The following UTP18 variants were observed in gnomAD, a reference collection of about 807,000 sequenced individuals.
The protein encoded by UTP18 is UTP18 small subunit processome component.
In UTP18, 36 loss-of-function variants were observed where a neutral mutation model predicts 61.1. That is an observed-to-expected ratio of 0.59 (90% CI 0.45 to 0.78). The LOEUF is 0.78. UTP18 is among the 30% of genes least tolerant of loss of function. The pLI is 0.00. For missense variants in UTP18, 753 were observed against 693.9 expected (o/e 1.09, Z -0.96); for synonymous variants, 282 against 251.1 (o/e 1.12, Z -1.16).
intron 10 of UTP18, among the ~76,000 whole-genome samples, chr17:51,286,978 T>TCCCCCCCCCCC (rs11397806): frequency 8.1e-6 from 1 of 123,466 alleles, no homozygotes; most frequent in Non-Finnish European, 1.6e-5. Flanking sequence ...CCCTCCCCCT[T>TCCCCCCCCCCC]CCCCCCCCGA....
chr17:51,283,837 A>G (rs1015318439), intron 9 of UTP18, among the ~76,000 whole-genome samples: 3 of 151,562 alleles, frequency 2.0e-5, no homozygotes, highest in African/African-American at 7.3e-5. Context: ...TTGGTCTCGA[A>G]CTCCTGGCCT....
Position 51,282,858 on chromosome 17 carries a change from CTTCTTCTTCTT to C in UTP18, c.1204+2382_1205-2374del, listed in dbSNP as rs1238504013. 3.0e-5 allele frequency among the ~76,000 whole-genome samples: 3 copies of C among 100,264 alleles called. No homozygotes were observed. The East Asian group carries it at 7.7e-4, about 26-fold the overall frequency. 65.8% of individuals were successfully genotyped at this position (100,264 alleles called of 152,430 possible). On this transcript the variant is annotated intron_variant, in intron 9 of 13. Coordinates refer to ENST00000225298, the MANE Select transcript of UTP18 (RefSeq NM_016001.3). Reference sequence around the variant, plus strand: ...TCCGCTTCTTCCTCCTTTTCTTCTTCTTCTTCTTCTTTTTTTTTTTTTTTTTTTGAGACAGA... The same window carrying C: ...TCCGCTTCTTCCTCCTTTTCTTCTTCTTTTTTTTTTTTTTTTTGAGACAGA...
Position 51,285,373 on chromosome 17 carries a change from G to A in UTP18, c.1328+5G>A. ...TGGACAGTATGTTGCTTGTGGGTAA[G>A]TAAAGAGAGGTTCTTGTAACCTTAA... On this transcript the variant is annotated splice_donor_5th_base_variant and intron_variant, in intron 10 of 13. Transcript: ENST00000225298. The A allele has an allele frequency of 1.2e-6, 2 of 1,611,920 alleles. No individual in the cohort carries two copies. Among genetic ancestry groups the A allele is most frequent in the Non-Finnish European group, 1.7e-6 (2 of 1,178,414 alleles).
intron 1 of UTP18, among the ~76,000 whole-genome samples, chr17:51,261,166 C>G (rs893327800): frequency 2.0e-5 from 3 of 152,242 alleles, no homozygotes; most frequent in African/African-American, 4.8e-5. Flanking sequence ...CGCCGCTGCT[C>G]GGGTATCTGC....
chr17:51,266,579 G>A (rs2055563590), intron 3 of UTP18, among the ~76,000 whole-genome samples: 1 of 152,040 alleles, frequency 6.6e-6, no homozygotes, highest in Non-Finnish European at 1.5e-5. Flanking sequence ...AATTTAAATG[G>A]CCACCACCTG....
At chr17:51,267,794 G>T (rs1390047497) in intron 3 of UTP18, among the ~76,000 whole-genome samples, 1 of 151,950 alleles carries the variant, frequency 6.6e-6, no homozygotes, top group East Asian at 1.9e-4. Flanking sequence ...TGGTGATGGG[G>T]TTCATCTTGC....
chr17:51,297,546 C>T (rs926427177), intron 13 of UTP18, among the ~76,000 whole-genome samples: 1 of 152,182 alleles, frequency 6.6e-6, no homozygotes, highest in Non-Finnish European at 1.5e-5. Context: ...GCCTCTTCAT[C>T]ACAGTTGACT....
intron 6 of UTP18, 110 bp downstream of exon 6, chr17:51,276,101 C>G: frequency 9.0e-7 from 1 of 1,108,426 alleles, no homozygotes; most frequent in Non-Finnish European, 1.2e-6. Context: ...ATAGCTAAAA[C>G]ATCATAGCCC....
intron 4 of UTP18, among the ~76,000 whole-genome samples, chr17:51,270,048 G>A (rs1904473042): frequency 6.6e-6 from 1 of 152,086 alleles, no homozygotes; most frequent in African/African-American, 2.4e-5. Flanking sequence ...TAGAATCGGG[G>A]TTTCACCGTG....
intron 7 of UTP18, among the ~76,000 whole-genome samples, chr17:51,279,425 A>G (rs370081332): frequency 6.6e-6 from 1 of 152,184 alleles, no homozygotes; most frequent in African/African-American, 2.4e-5. Flanking sequence ...ATTTGGTTAC[A>G]TGTGTCACAT....
intron 7 of UTP18, among the ~76,000 whole-genome samples, chr17:51,278,909 G>A (rs552672577): frequency 6.6e-6 from 1 of 152,218 alleles, no homozygotes; most frequent in South Asian, 2.1e-4. Flanking sequence ...TAATATTGGG[G>A]AGCATGAGTC....
chr17:51,296,166 T>C (rs1006613090), intron 12 of UTP18: 2 of 152,176 alleles, frequency 1.3e-5, no homozygotes, highest in South Asian at 2.1e-4. Flanking sequence ...CTAGAAGATA[T>C]AGGTGACAAG....
At chr17:51,271,781 C>T (rs370860955) in intron 4 of UTP18, among the ~76,000 whole-genome samples, 1 of 152,060 alleles carries the variant, frequency 6.6e-6, no homozygotes, top group East Asian at 1.9e-4. Context: ...GATTCTCCTG[C>T]CTCAGCCACC....
At chr17:51,295,113 G>A (rs535526657) in intron 12 of UTP18, among the ~76,000 whole-genome samples, 12 of 152,264 alleles carry the variant, frequency 7.9e-5, no homozygotes, top group Middle Eastern at 3.4e-3. Flanking sequence ...TTTGTCAGAT[G>A]AGTAGGTTGC....
rs554093076 is a variant in UTP18 at position 51,281,160 on chromosome 17, A to T, written c.1204+681A>T. ...TCTCAAAATATATATATATATATAT[A>T]TATATTTTTTTTAAACGAAAAGTTG... is the stretch of plus-strand genomic sequence containing the variant. On this transcript the variant is annotated intron_variant, in intron 9 of 13. Coordinates refer to ENST00000225298, the MANE Select transcript of UTP18 (RefSeq NM_016001.3). 9.0e-3 allele frequency among the ~76,000 whole-genome samples: 826 copies of T among 91,724 alleles called. 4 individuals are homozygous for T. The highest frequency in any genetic ancestry group is 0.011 in the Non-Finnish European group (481 of 45,268). 60.2% of individuals were successfully genotyped at this position (91,724 alleles called of 152,430 possible). A position where few individuals can be genotyped will look rare whatever the true frequency, so the allele number is the denominator to read the frequency against.
rs753733021 is a variant in UTP18, at chr17:51,260,611, G to T, written c.27G>T (p.Met9Ile). 1 of 1,612,558 alleles carries T rather than the reference G, an allele frequency of 6.2e-7. No homozygotes were observed. The highest frequency in any genetic ancestry group is 8.5e-7 in the Non-Finnish European group (1 of 1,179,704). Reference protein sequence around the residue: MPPERRRRMKLDRRTGAKP... With the variant: MPPERRRRIKLDRRTGAKP... ...TGCCGCCGGAGCGGAGGAGACGAAT[G>T]AAACTGGACCGGAGAACCGGAGCGA... The change falls in exon 1 of 14, where the codon ATG becomes ATT. Residue 9 changes from methionine to isoleucine, a missense_variant. By Grantham distance (10) the Met-to-Ile change is conservative. Transcript: ENST00000225298.
chr17:51,278,864 A>G (rs1904816588), intron 7 of UTP18, among the ~76,000 whole-genome samples: 1 of 152,156 alleles, frequency 6.6e-6, no homozygotes, highest in Non-Finnish European at 1.5e-5. Flanking sequence ...AGCAGAAGTA[A>G]CCCCAGTGAT....
chr17:51,290,440 A>C (rs1905212747), intron 11 of UTP18, among the ~76,000 whole-genome samples: 1 of 152,022 alleles, frequency 6.6e-6, no homozygotes, highest in Admixed American at 6.6e-5. Context: ...CAACAACAAA[A>C]TGGTTTGCTG....
At position 51,294,027 on chromosome 17, in the gene UTP18, G is replaced by A. The variant is rs868236909; in HGVS notation, c.1628G>A (p.Gly543Asp). 2 of 1,607,690 alleles carry A rather than the reference G, an allele frequency of 1.2e-6. No individual in the cohort carries two copies. Among genetic ancestry groups the A allele is most frequent in the Non-Finnish European group, 1.7e-6 (2 of 1,177,330 alleles). ...SGYFALGNEK[G>D]KALMYRLHHY... Reference sequence around the variant, plus strand: ...TACTTTGCCTTGGGGAATGAAAAGGGCAAGGCCCTGATGTATAGGTAGGTA... The same window carrying A: ...TACTTTGCCTTGGGGAATGAAAAGGACAAGGCCCTGATGTATAGGTAGGTA... The change falls in exon 12 of 14, where the codon GGC becomes GAC. Residue 543 changes from glycine (G) to aspartate (D), a missense_variant. Transcript: ENST00000225298.
Sources: gnomAD v4.1 joint callset for allele counts (sites outside exome capture counted in the v4.1 genomes callset) on GRCh38, gnomAD v4.1.1 for gene constraint, MANE v1.5 for transcripts, NCBI Gene and HGNC (gene_info 2026-07-23, HGNC 2026-07-21) for gene names.